SPECC1L: variants seen among roughly 807,000 people sequenced by gnomAD.
SPECC1L encodes the protein sperm antigen with calponin homology and coiled-coil domains 1 like.
In SPECC1L, 40 loss-of-function variants were observed where a neutral mutation model predicts 116.8. The observed-to-expected ratio is 0.34, with a 90% CI of 0.27 to 0.45. The LOEUF (loss-of-function observed/expected upper bound fraction) is 0.45, where lower values mean the gene tolerates loss of function less well. Ranked by LOEUF, SPECC1L falls within the 20% of genes least tolerant of loss-of-function variation. SPECC1L has a pLI of 1.00. For synonymous variants in SPECC1L, 504 were observed against 500.6 expected (o/e 1.01, Z -0.09); for missense variants, 1,110 against 1,373.6 (o/e 0.81, Z 3.03).
At chr22:24,402,539 C>T (rs1268576798) in intron 14 of SPECC1L, among the ~76,000 whole-genome samples, 2 of 152,164 alleles carry the variant, frequency 1.3e-5, no homozygotes, top group East Asian at 3.8e-4. Context: ...TGAGGCTGGG[C>T]TGTGATCCCC....
At chr22:24,327,854 TGGC>T (rs940418680) in intron 6 of SPECC1L, among the ~76,000 whole-genome samples, 11 of 152,184 alleles carry the variant, frequency 7.2e-5, no homozygotes, top group Admixed American at 5.2e-4. Context: ...GTGGTAATAT[TGGC>T]GGCAACATGG....
intron 14 of SPECC1L, among the ~76,000 whole-genome samples, chr22:24,375,007 T>G (rs2041944912): frequency 6.6e-6 from 1 of 151,146 alleles, no homozygotes; most frequent in South Asian, 2.1e-4. Context: ...GGGACGTTAC[T>G]AATGACCTTA....
intron 14 of SPECC1L, among the ~76,000 whole-genome samples, chr22:24,383,180 C>T (rs1569443291): frequency 6.6e-6 from 1 of 152,196 alleles, no homozygotes; most frequent in Non-Finnish European, 1.5e-5. Context: ...AATCTAACTT[C>T]AAAACTTTGA....
At chr22:24,289,009 T>G (rs2049105899) in intron 2 of SPECC1L, among the ~76,000 whole-genome samples, 1 of 152,238 alleles carries the variant, frequency 6.6e-6, no homozygotes, top group African/African-American at 2.4e-5. Flanking sequence ...CATTTAGTAT[T>G]TCACATCAGA....
At position 24,401,921 on chromosome 22, in the gene SPECC1L, A is replaced by G. The variant is rs2042483029; in HGVS notation, c.3088-9667A>G. The stretch of plus-strand genomic sequence containing the variant: ...CGCACAGTGAGGATTGAGGGTCCGT[A>G]TTAGATCAAGAGCAAAGACATGCAG... On this transcript the variant is annotated intron_variant, in intron 14 of 16. Coordinates refer to ENST00000314328, the MANE Select transcript of SPECC1L (RefSeq NM_015330.6). 2.0e-5 allele frequency among the ~76,000 whole-genome samples: 3 copies of G among 152,162 alleles called. No individual in the cohort carries two copies. The South Asian group carries it at 6.2e-4, about 32-fold the overall frequency.
chr22:24,306,008 C>T (rs1248637153), intron 3 of SPECC1L, among the ~76,000 whole-genome samples: 3 of 151,752 alleles, frequency 2.0e-5, no homozygotes, highest in African/African-American at 4.8e-5. Flanking sequence ...CGGGTTCAAG[C>T]GATTCTCCTG....
intron 1 of SPECC1L, among the ~76,000 whole-genome samples, chr22:24,273,014 G>A (rs533592289): frequency 6.6e-6 from 1 of 152,306 alleles, no homozygotes; most frequent in African/African-American, 2.4e-5. Context: ...TAAATAACGT[G>A]AGTGTCAAGT....
intron 14 of SPECC1L, among the ~76,000 whole-genome samples, chr22:24,407,436 C>T (rs1048035374): frequency 3.9e-5 from 6 of 152,158 alleles, no homozygotes; most frequent in Non-Finnish European, 7.4e-5. Flanking sequence ...CACAGCCAGG[C>T]GGATGGGACA....
At position 24,316,717 on chromosome 22, in the gene SPECC1L, T is replaced by C. The variant is rs1284683494; in HGVS notation, c.307+3251T>C. On this transcript the variant is annotated intron_variant, in intron 4 of 16. Coordinates refer to ENST00000314328, the MANE Select transcript of SPECC1L (RefSeq NM_015330.6). The stretch of plus-strand genomic sequence containing the variant: ...ACGGCAACCATCCGATTTCTCAATC[T>C]TTTCCCCACCTTTCCCCCCTTTCTA... 2.0e-5 allele frequency among the ~76,000 whole-genome samples: 3 copies of C among 149,818 alleles called. 1 individual carries two copies. Among genetic ancestry groups the C allele is most frequent in the South Asian group, 4.4e-4 (2 of 4,544 alleles).
At chr22:24,307,673 C>A (rs1300588405) in intron 3 of SPECC1L, among the ~76,000 whole-genome samples, 1 of 151,594 alleles carries the variant, frequency 6.6e-6, no homozygotes, top group Non-Finnish European at 1.5e-5. Context: ...TTAACCCATC[C>A]CTAGGTCAAA....
intron 14 of SPECC1L, among the ~76,000 whole-genome samples, chr22:24,391,112 G>A (rs910248110): frequency 2.0e-5 from 3 of 151,508 alleles, no homozygotes; most frequent in African/African-American, 4.9e-5. Context: ...CCTGATCTTG[G>A]GATCCGCCCG....
At chr22:24,291,490 A>G (rs1010958386) in intron 2 of SPECC1L, among the ~76,000 whole-genome samples, 2 of 147,732 alleles carry the variant, frequency 1.4e-5, no homozygotes, top group Non-Finnish European at 3.0e-5. Context: ...TCTGTGGGCC[A>G]TGGTATATAA....
At chr22:24,398,651 AC>A (rs1387980055) in intron 14 of SPECC1L, among the ~76,000 whole-genome samples, 1 of 152,166 alleles carries the variant, frequency 6.6e-6, no homozygotes, top group Non-Finnish European at 1.5e-5. Context: ...TGGTGACACC[AC>A]TCAGATTCCA....
chr22:24,342,873 A>C (rs1043616052), intron 10 of SPECC1L, among the ~76,000 whole-genome samples: 3 of 151,948 alleles, frequency 2.0e-5, no homozygotes, highest in African/African-American at 7.2e-5. Flanking sequence ...CGGGGGGCAG[A>C]GTGGGAAGTG....
intron 5 of SPECC1L, among the ~76,000 whole-genome samples, chr22:24,323,284 G>A (rs1416464804): frequency 6.6e-6 from 1 of 152,224 alleles, no homozygotes; most frequent in African/African-American, 2.4e-5. Context: ...TGGAGAGTCA[G>A]TATTCCAGTC....
At chr22:24,287,704 T>G (rs2049068390) in intron 2 of SPECC1L, among the ~76,000 whole-genome samples, 1 of 152,162 alleles carries the variant, frequency 6.6e-6, no homozygotes. Flanking sequence ...GCTCTACCAT[T>G]TGCTTCGGGA....
At chr22:24,412,564 G>C in intron 15 of SPECC1L, 84 bp from the exon 16 acceptor site, 1 of 1,247,714 alleles carries the variant, frequency 8.0e-7, no homozygotes, top group Admixed American at 1.7e-5. Context: ...TCCTTCAGAT[G>C]CATCTGTCCC....
intron 14 of SPECC1L, among the ~76,000 whole-genome samples, chr22:24,397,315 T>C (rs185877858): frequency 3.7e-4 from 56 of 152,350 alleles, no homozygotes; most frequent in African/African-American, 1.3e-3. Flanking sequence ...TTTCCTGATA[T>C]CATTTCCTTC....
At position 24,297,311 on chromosome 22, in the gene SPECC1L, A is replaced by G. The variant is rs550347785; in HGVS notation, c.-37-4884A>G. 2.0e-3 allele frequency among the ~76,000 whole-genome samples: 298 copies of G among 152,052 alleles called. 1 individual carries two copies. Among genetic ancestry groups the G allele is most frequent in the Admixed American group, 5.2e-3 (79 of 15,272 alleles). On this transcript the variant is annotated intron_variant, in intron 2 of 16. Transcript: ENST00000314328. The stretch of plus-strand genomic sequence containing the variant: ...AACCTATAACTGAATTCCATTTTAC[A>G]TAAAGGGTTTTTTTAAATGTAATTT...
Sources: allele counts gnomAD v4.1 joint callset (sites outside exome capture counted in the v4.1 genomes callset), GRCh38; gene constraint gnomAD v4.1.1; transcripts MANE v1.5; gene names NCBI Gene and HGNC (gene_info 2026-07-23, HGNC 2026-07-21).